Variants in REELD1 observed in about 807,000 individuals in gnomAD.
REELD1 encodes reeler domain containing 1, also known as reelin domain-containing protein 1.
REELD1 carries 12 observed loss-of-function variants against 6.3 expected under a neutral mutation model. The observed-to-expected ratio is 1.89, with a 90% CI of 1.21 to 3.07. The LOEUF (loss-of-function observed/expected upper bound fraction) is 3.07, where lower values mean the gene tolerates loss of function less well. Among genes scored for constraint, REELD1 ranks in the 30% most tolerant of loss-of-function variants. The pLI is 0.00. For synonymous variants in REELD1, 57 were observed against 33.6 expected (o/e 1.70, Z -2.42); for missense variants, 163 against 86.8 (o/e 1.88, Z -3.49).
chr4:146,219,432 G>A (rs1730882169), intron 3 of REELD1, among the ~76,000 whole-genome samples: 1 of 152,114 alleles, frequency 6.6e-6, no homozygotes, highest in Non-Finnish European at 1.5e-5. Flanking sequence ...ATGTTATCCT[G>A]CTCATAGATA....
At position 146,232,151 on chromosome 4, in the gene REELD1, G is replaced by T. The variant is rs1241186850; in HGVS notation, c.*1638G>T. On this transcript the variant is annotated 3_prime_UTR_variant, in exon 8 of 8. Coordinates refer to ENST00000623665, the MANE Select transcript of REELD1 (RefSeq NM_001354631.1). Reference sequence around the variant, plus strand: ...TGCACCATGTATGCAAACTTTTTTAGATCTTTTCTGTCTAAGAGAGAATTT... The same window carrying T: ...TGCACCATGTATGCAAACTTTTTTATATCTTTTCTGTCTAAGAGAGAATTT... 2.0e-5 allele frequency: 3 copies of T among 152,172 alleles called. No homozygotes were observed. The allele number at this position is 152,172 out of a possible 1,614,324, so 9.4% of individuals were successfully genotyped here.
At chr4:146,215,531 G>A (rs1340932875) in intron 2 of REELD1, among the ~76,000 whole-genome samples, 1 of 152,062 alleles carries the variant, frequency 6.6e-6, no homozygotes, top group African/African-American at 2.4e-5. Flanking sequence ...TGGGAGTGGA[G>A]GACACTTGAT....
At chr4:146,223,809 G>A (rs1730968301) in intron 4 of REELD1, among the ~76,000 whole-genome samples, 1 of 152,240 alleles carries the variant, frequency 6.6e-6, no homozygotes, top group South Asian at 2.1e-4. Flanking sequence ...GAGCCTCTGG[G>A]TGACTTCGGC....
Position 146,216,999 on chromosome 4 carries a change from G to C in REELD1, c.47G>C (p.Cys16Ser). 2.5e-6 allele frequency: 1 copy of C among 398,772 alleles called. No homozygotes were observed. The highest frequency in any genetic ancestry group is 4.4e-6 in the Non-Finnish European group (1 of 226,218). The allele number at this position is 398,772 out of a possible 1,614,324, so 24.7% of individuals were successfully genotyped here. ...GTGGGCTGGGCTTGTACCACCCTCT[G>C]CCTGGCTTCCTGCTCATCTGCCTTT... ...ALVGWACTTL[C>S]LASCSSAFSH... The change falls in exon 3 of 8, where the codon TGC (cysteine) becomes TCC (serine). Residue 16 changes from cysteine to serine, a missense_variant. Coordinates refer to ENST00000623665, the MANE Select transcript of REELD1 (RefSeq NM_001354631.1).
chr4:146,230,184 C>T lies in REELD1; in HGVS notation c.1252C>T (p.Arg418Trp), dbSNP rs17021266. 7.1e-3 allele frequency: 2,834 copies of T among 398,772 alleles called. 72 individuals are homozygous for T. The highest frequency in any genetic ancestry group is 0.053 in the African/African-American group (2,574 of 48,756). The allele number at this position is 398,772 out of a possible 1,614,324, so 24.7% of individuals were successfully genotyped here. Reference sequence around the variant, plus strand: ...TGGAGAGGGTGGAGTGGGATACCCTCGGCAGACCAACCCACGGCCTGACAT... The same window carrying T: ...TGGAGAGGGTGGAGTGGGATACCCTTGGCAGACCAACCCACGGCCTGACAT... ...GNGEGGVGYPRQTNPRPDIGL... is the reference protein window; with the variant it reads ...GNGEGGVGYPWQTNPRPDIGL... Residue 418 changes from arginine to tryptophan, a missense_variant, in exon 8 of 8, where the codon CGG becomes TGG. Coordinates refer to ENST00000623665, the MANE Select transcript of REELD1 (RefSeq NM_001354631.1).
intron 5 of REELD1, among the ~76,000 whole-genome samples, chr4:146,225,383 A>ATTCT (rs1475088469): frequency 6.6e-6 from 1 of 152,212 alleles, no homozygotes; most frequent in African/African-American, 2.4e-5. Context: ...CTCTTCGCTT[A>ATTCT]TTCTTTCCTT....
chr4:146,229,149 T>G, intron 7 of REELD1, 61 bp downstream of exon 7: 2 of 692,182 alleles, frequency 2.9e-6, no homozygotes, highest in Non-Finnish European at 5.3e-6. Context: ...AATGGTCAGT[T>G]TCAGGCTGGG....
chr4:146,220,519 G>A (rs1730905283), intron 3 of REELD1, among the ~76,000 whole-genome samples: 1 of 152,096 alleles, frequency 6.6e-6, no homozygotes, highest in East Asian at 1.9e-4. Flanking sequence ...TTTGGGTGAA[G>A]CCATTCAATG....
At chr4:146,223,732 A>G (rs1730965878) in intron 4 of REELD1, among the ~76,000 whole-genome samples, 1 of 152,194 alleles carries the variant, frequency 6.6e-6, no homozygotes. Context: ...ACGCTTGCGC[A>G]CGATAATGTC....
At chr4:146,219,303 T>C (rs531582463) in intron 3 of REELD1, among the ~76,000 whole-genome samples, 97 of 152,334 alleles carry the variant, frequency 6.4e-4, no homozygotes, top group Admixed American at 1.7e-3. Flanking sequence ...AGACAGCATA[T>C]GTAATAAATG....
In REELD1 at chr4:146,232,231, G is replaced by T. The variant is rs949642626; in HGVS notation, c.*1718G>T. On this transcript the variant is annotated 3_prime_UTR_variant, in exon 8 of 8. Transcript: ENST00000623665. ...TATTGATGTGAACAAATTACCTCTA[G>T]GCTTAGTAGTTGAAAATAAAATCAC... 6.6e-6 allele frequency: 1 copy of T among 152,136 alleles called. No individual in the cohort carries two copies. The highest frequency in any genetic ancestry group is 1.5e-5 in the Non-Finnish European group (1 of 68,026). The allele number at this position is 152,136 out of a possible 1,614,324, so 9.4% of individuals were successfully genotyped here. A position where few individuals can be genotyped will look rare whatever the true frequency, so the allele number is the denominator to read the frequency against.
chr4:146,231,143 G>A lies in REELD1; in HGVS notation c.*630G>A, dbSNP rs1489129551. Among the ~76,000 whole-genome samples, 1 of 152,180 alleles carries A rather than the reference G, an allele frequency of 6.6e-6. No homozygotes were observed. Among genetic ancestry groups the A allele is most frequent in the Non-Finnish European group, 1.5e-5 (1 of 68,028 alleles). On this transcript the variant is annotated 3_prime_UTR_variant, in exon 8 of 8. Transcript: ENST00000623665. ...AAGTCAGGAAAGTTTTTGAGAGCTT[G>A]ATTGAACACATCTTCAGGAAAACAT...
At position 146,230,155 on chromosome 4, in the gene REELD1, G is replaced by C; in HGVS notation, c.1223G>C (p.Gly408Ala). ...SKHKELRAGKGNGEGGVGYPR... is the reference protein window; with the variant it reads ...SKHKELRAGKANGEGGVGYPR... ...CACAAGGAGCTCAGAGCAGGGAAGG[G>C]AAATGGAGAGGGTGGAGTGGGATAC... The change falls in exon 8 of 8, where the codon GGA becomes GCA. Residue 408 changes from glycine to alanine, a missense_variant. Transcript: ENST00000623665. 2.5e-6 allele frequency: 1 copy of C among 398,832 alleles called. No homozygotes were observed. The highest frequency in any genetic ancestry group is 2.1e-5 in the African/African-American group (1 of 48,760). The allele number at this position is 398,832 out of a possible 1,614,324, so 24.7% of individuals were successfully genotyped here. A position where few individuals can be genotyped will look rare whatever the true frequency, so the allele number is the denominator to read the frequency against.
chr4:146,218,473 CT>C (rs1730864191), intron 3 of REELD1, among the ~76,000 whole-genome samples: 1 of 152,142 alleles, frequency 6.6e-6, no homozygotes, highest in Admixed American at 6.5e-5. Context: ...TTGATTTTTG[CT>C]GATTCTTTTG....
In REELD1 at chr4:146,230,778, A is replaced by ACGAATAT. The variant is rs1731117063; in HGVS notation, c.*265_*266insCGAATAT. On this transcript the variant is annotated 3_prime_UTR_variant, in exon 8 of 8. Coordinates refer to ENST00000623665, the MANE Select transcript of REELD1 (RefSeq NM_001354631.1). ...TGTTTGAAGACTTAAACTCAACACA[A>ACGAATAT]TGAATATTGTATAACCCGCTCATTA... 3.5e-6 allele frequency: 1 copy of ACGAATAT among 287,920 alleles called. No individual in the cohort carries two copies. Among genetic ancestry groups the ACGAATAT allele is most frequent in the African/African-American group, 2.2e-5 (1 of 46,186 alleles). 17.8% of individuals were successfully genotyped at this position (287,920 alleles called of 1,614,324 possible). A position where few individuals can be genotyped will look rare whatever the true frequency, so the allele number is the denominator to read the frequency against.
rs1731133108 is a variant in REELD1 at position 146,231,649 on chromosome 4, TA to T, written c.*1138del. ...AAAGGATATTTGTTTATTGAACACC[TA>T]ATTCATACGGGAACTGTGCTAAGTA... On this transcript the variant is annotated 3_prime_UTR_variant, in exon 8 of 8. Transcript: ENST00000623665. 6.6e-6 allele frequency among the ~76,000 whole-genome samples: 1 copy of T among 152,242 alleles called. No individual in the cohort carries two copies. The highest frequency in any genetic ancestry group is 2.4e-5 in the African/African-American group (1 of 41,454).
chr4:146,215,078 A>G lies in REELD1; in HGVS notation c.-132A>G, dbSNP rs1730800246. ...TCATTTCTTTCTTTTCTTTTAAGAG[A>G]CAGGGTCTTGCTCTGTACCCAGGCT... is the stretch of plus-strand genomic sequence containing the variant. On this transcript the variant is annotated splice_region_variant and 5_prime_UTR_variant, in exon 2 of 8. Transcript: ENST00000623665. 6.6e-6 allele frequency: 1 copy of G among 152,224 alleles called. No individual in the cohort carries two copies. The highest frequency in any genetic ancestry group is 2.4e-5 in the African/African-American group (1 of 41,382). The allele number at this position is 152,224 out of a possible 1,614,324, so 9.4% of individuals were successfully genotyped here.
At chr4:146,219,693 G>A (rs1730885961) in intron 3 of REELD1, among the ~76,000 whole-genome samples, 1 of 151,992 alleles carries the variant, frequency 6.6e-6, no homozygotes, top group Non-Finnish European at 1.5e-5. Flanking sequence ...CTATCAAAAG[G>A]TAGAAAATTA....
At chr4:146,221,017 A>G (rs1348015627) in intron 3 of REELD1, among the ~76,000 whole-genome samples, 1 of 152,246 alleles carries the variant, frequency 6.6e-6, no homozygotes, top group Non-Finnish European at 1.5e-5. Context: ...TTCTAGATCA[A>G]AGAGTAATGA....
Sources: allele counts gnomAD v4.1 joint callset (sites outside exome capture counted in the v4.1 genomes callset), GRCh38; gene constraint gnomAD v4.1.1; transcripts MANE v1.5; gene names NCBI Gene and HGNC (gene_info 2026-07-23, HGNC 2026-07-21).